MKRN1: variants seen among roughly 807,000 people sequenced by gnomAD.
The protein encoded by MKRN1 is E3 ubiquitin-protein ligase makorin-1.
In MKRN1, 9 loss-of-function variants were observed where a neutral mutation model predicts 55.5. The observed-to-expected ratio is 0.16, with a 90% CI of 0.10 to 0.28. MKRN1 has a LOEUF of 0.28. Among genes scored for constraint, MKRN1 ranks in the 10% least tolerant of loss-of-function variants. The pLI, the probability that MKRN1 is intolerant of heterozygous loss-of-function variation, is 1.00. For missense variants in MKRN1, 488 were observed against 626.7 expected (o/e 0.78, Z 2.36); for synonymous variants, 253 against 235.9 (o/e 1.07, Z -0.66).
At chr7:140,471,262 A>C (rs1449223515) in intron 2 of MKRN1, among the ~76,000 whole-genome samples, 1 of 152,048 alleles carries the variant, frequency 6.6e-6, no homozygotes, top group African/African-American at 2.4e-5. Context: ...CTGTGGTCCC[A>C]GCTACTTGGG....
chr7:140,477,262 G>C (rs893837831), intron 1 of MKRN1, among the ~76,000 whole-genome samples: 2 of 151,988 alleles, frequency 1.3e-5, no homozygotes, highest in African/African-American at 4.8e-5. Context: ...ACTGTCTCAA[G>C]CAAAAGCTAT....
intron 1 of MKRN1, chr7:140,478,712 G>C (rs1795195921): frequency 6.5e-6 from 1 of 153,296 alleles, no homozygotes; most frequent in African/African-American, 2.4e-5. Context: ...TGGGGCCCTC[G>C]GCGGGGTGTC....
chr7:140,455,766 G>C (rs749983524), intron 6 of MKRN1, 24 bp downstream of exon 6: 3 of 1,568,660 alleles, frequency 1.9e-6, no homozygotes, highest in Non-Finnish European at 2.6e-6. Flanking sequence ...CTCTTCGCTT[G>C]AGAAAAGGCT....
chr7:140,478,584 A>G (rs1039938722), intron 1 of MKRN1: 1 of 152,216 alleles, frequency 6.6e-6, no homozygotes. Context: ...GAAGAAATAC[A>G]AAAGCTTCTT....
At chr7:140,455,750 G>T in intron 6 of MKRN1, 40 bp downstream of exon 6, 1 of 1,496,890 alleles carries the variant, frequency 6.7e-7, no homozygotes, top group Non-Finnish European at 9.3e-7. Context: ...CCCAAGCTCT[G>T]TTGGGCTCTT....
chr7:140,474,492 C>CAA (rs10709936), intron 1 of MKRN1: 23 of 267,896 alleles, frequency 8.6e-5, no homozygotes, highest in Middle Eastern at 1.1e-3. Context: ...GACTCCGTCT[C>CAA]AAAAAAAAAA....
chr7:140,463,621 C>T (rs991661094), intron 2 of MKRN1, among the ~76,000 whole-genome samples: 8 of 152,064 alleles, frequency 5.3e-5, no homozygotes, highest in Non-Finnish European at 8.8e-5. Context: ...CGCGGTGGCT[C>T]ACGCCTGTAA....
At chr7:140,477,098 CAAAAAAA>C (rs35476052) in intron 1 of MKRN1, among the ~76,000 whole-genome samples, 1 of 83,504 alleles carries the variant, frequency 1.2e-5, no homozygotes. Context: ...AACTCTGTCT[CAAAAAAA>C]AAAAAAAAAA....
At chr7:140,463,824 C>G (rs920950527) in intron 2 of MKRN1, among the ~76,000 whole-genome samples, 9 of 152,074 alleles carry the variant, frequency 5.9e-5, no homozygotes, top group South Asian at 4.1e-4. Flanking sequence ...GGCGGAGCTT[C>G]CAGTGAGAGA....
intron 2 of MKRN1, among the ~76,000 whole-genome samples, chr7:140,467,056 C>A (rs2130311628): frequency 6.6e-6 from 1 of 151,914 alleles, no homozygotes; most frequent in African/African-American, 2.4e-5. Context: ...TGGCTCACCA[C>A]AACATCCACC....
chr7:140,460,282 C>A (rs558408686), intron 2 of MKRN1: 4 of 209,768 alleles, frequency 1.9e-5, no homozygotes, highest in South Asian at 6.8e-5. Flanking sequence ...GCACTCACTG[C>A]CTAACTTCAT....
chr7:140,456,198 T>G (rs1794462042), intron 5 of MKRN1: 1 of 1,167,714 alleles, frequency 8.6e-7, no homozygotes, highest in Non-Finnish European at 1.1e-6. Context: ...TTTCTTTCGT[T>G]TAAATAAATT....
intron 2 of MKRN1, among the ~76,000 whole-genome samples, chr7:140,468,286 G>C (rs1188676384): frequency 1.3e-5 from 2 of 152,066 alleles, no homozygotes; most frequent in East Asian, 1.9e-4. Context: ...AAGGAACACA[G>C]CTCCCTTACA....
intron 1 of MKRN1, 187 bp downstream of exon 1, chr7:140,478,973 G>T: frequency 3.0e-6 from 2 of 661,874 alleles, no homozygotes; most frequent in Non-Finnish European, 4.2e-6. Context: ...GCCCAGCGGG[G>T]GTTGACGCAG....
chr7:140,456,407 A>G lies in MKRN1; in HGVS notation c.986+245T>C, dbSNP rs1585462596. On this transcript the variant is annotated intron_variant, in intron 5 of 7. Coordinates refer to ENST00000255977, the MANE Select transcript of MKRN1 (RefSeq NM_013446.4). ...ACTGGCTAATAATCCATTAAACACA[A>G]TCTCCTCAGAAAAAGCACGAAGATT... The G allele has an allele frequency of 6.7e-6, 9 of 1,347,876 alleles. 1 individual carries two copies. The South Asian group carries it at 9.5e-5, about 14-fold the overall frequency. The allele number at this position is 1,347,876 out of a possible 1,614,324, so 83.5% of individuals were successfully genotyped here.
At chr7:140,456,919 A>C (rs1794482047) in intron 4 of MKRN1, 53 bp from the exon 5 acceptor site, 4 of 1,530,838 alleles carry the variant, frequency 2.6e-6, no homozygotes, top group Non-Finnish European at 3.6e-6. Context: ...ACCCTGAAAA[A>C]CTTGAGCAAC....
At chr7:140,472,812 T>A (rs561366522) in intron 1 of MKRN1, among the ~76,000 whole-genome samples, 1 of 151,168 alleles carries the variant, frequency 6.6e-6, no homozygotes, top group Non-Finnish European at 1.5e-5. Flanking sequence ...CTGTTTAACT[T>A]ACATAACAAA....
intron 6 of MKRN1, 43 bp downstream of exon 6, chr7:140,455,747 T>G (rs1794448956): frequency 1.4e-6 from 2 of 1,464,992 alleles, no homozygotes; most frequent in African/African-American, 2.8e-5. Flanking sequence ...GAACCCAAGC[T>G]CTGTTGGGCT....
chr7:140,462,085 T>C (rs1585473398), intron 2 of MKRN1, among the ~76,000 whole-genome samples: 1 of 152,216 alleles, frequency 6.6e-6, no homozygotes, highest in Non-Finnish European at 1.5e-5. Flanking sequence ...TGGAGTGCAG[T>C]AGCGTGACCT....
Sources: allele counts gnomAD v4.1 joint callset (sites outside exome capture counted in the v4.1 genomes callset), GRCh38; gene constraint gnomAD v4.1.1; transcripts MANE v1.5; gene names NCBI Gene and HGNC (gene_info 2026-07-23, HGNC 2026-07-21).